VRK2: variants seen among roughly 807,000 people sequenced by gnomAD.
VRK2 encodes the protein VRK serine/threonine kinase 2, also known as serine/threonine-protein kinase VRK2.
In VRK2, 60 loss-of-function variants were observed where a neutral mutation model predicts 57.6. The ratio of observed to expected loss-of-function variants is 1.04; its 90% CI spans 0.85 to 1.29. The LOEUF (loss-of-function observed/expected upper bound fraction) is 1.29. VRK2 is among the 50% of genes most tolerant of loss of function. The probability of loss-of-function intolerance (pLI) is 0.00; values close to 1 mark genes in which losing one functional copy is unlikely to be tolerated. For synonymous variants in VRK2, 231 were observed against 199.2 expected (o/e 1.16, Z -1.35); for missense variants, 705 against 588.1 (o/e 1.20, Z -2.06).
rs1669665302 is a variant in VRK2, at chr2:58,073,656, ATATTT to A, written c.137-10432_137-10428del. Reference sequence around the variant, plus strand: ...TAGGATTATATATATATATATATTTATATTTATATTTATATTTATATTTATATAAA... The same window carrying A: ...TAGGATTATATATATATATATATTTAATATTTATATTTATATTTATATAAA... On this transcript the variant is annotated intron_variant, in intron 2 of 12. Transcript: ENST00000340157. Among the ~76,000 whole-genome samples, 3 of 143,406 alleles carry A rather than the reference ATATTT, an allele frequency of 2.1e-5. No homozygotes were observed. In the East Asian group the frequency reaches 5.9e-4, roughly 28 times the overall value. The allele number at this position is 143,406 out of a possible 152,430, so 94.1% of individuals were successfully genotyped here. A position where few individuals can be genotyped will look rare whatever the true frequency, so the allele number is the denominator to read the frequency against.
At chr2:58,148,196 A>T (rs1682457385) in intron 12 of VRK2, among the ~76,000 whole-genome samples, 1 of 151,866 alleles carries the variant, frequency 6.6e-6, no homozygotes, top group African/African-American at 2.4e-5. Flanking sequence ...AATATTTGGT[A>T]TTGTCACTCT....
At chr2:57,996,244 A>T (rs1672919195) in intron 1 of VRK2, among the ~76,000 whole-genome samples, 1 of 152,230 alleles carries the variant, frequency 6.6e-6, no homozygotes, top group African/African-American at 2.4e-5. Context: ...CCGAGGGATG[A>T]CTATAATGCC....
At chr2:57,981,103 T>A (rs940165821) in intron 1 of VRK2, among the ~76,000 whole-genome samples, 1 of 152,136 alleles carries the variant, frequency 6.6e-6, no homozygotes, top group Non-Finnish European at 1.5e-5. Context: ...TTTATGTAGA[T>A]TTGATTGTAT....
chr2:57,923,741 C>T (rs945947735), intron 1 of VRK2, among the ~76,000 whole-genome samples: 3 of 151,842 alleles, frequency 2.0e-5, no homozygotes, highest in East Asian at 1.9e-4. Flanking sequence ...GTTGTGATCC[C>T]GTTTATCCCC....
chr2:57,932,881 A>T (rs79857928), intron 1 of VRK2, among the ~76,000 whole-genome samples: 6,056 of 151,958 alleles, frequency 0.04, 172 homozygotes, highest in South Asian at 0.11. Context: ...TGGTATTTTG[A>T]GTTTCAACTT....
chr2:57,961,376 T>C (rs891116931), intron 1 of VRK2, among the ~76,000 whole-genome samples: 5 of 151,992 alleles, frequency 3.3e-5, no homozygotes, highest in African/African-American at 1.2e-4. Flanking sequence ...CAAGAGAACT[T>C]TGTGATTGAA....
chr2:58,047,038 G>C (rs1674877068), intron 1 of VRK2, 170 bp downstream of exon 1: 1 of 941,052 alleles, frequency 1.1e-6, no homozygotes, highest in African/African-American at 1.8e-5. Flanking sequence ...CTGCTTCCGC[G>C]TTTGGTTCTT....
chr2:58,062,631 C>T (rs1319454825), intron 2 of VRK2, among the ~76,000 whole-genome samples: 1 of 152,092 alleles, frequency 6.6e-6, no homozygotes, highest in Admixed American at 6.6e-5. Flanking sequence ...AAACCAGCCA[C>T]AACATTCCCT....
intron 1 of VRK2, among the ~76,000 whole-genome samples, chr2:57,979,647 T>C (rs1672361316): frequency 6.6e-6 from 1 of 152,128 alleles, no homozygotes; most frequent in Admixed American, 6.5e-5. Flanking sequence ...CTGCTAAAAT[T>C]CAGTTGTGAA....
chr2:58,136,934 TATATA>T, intron 10 of VRK2, among the ~76,000 whole-genome samples: 1 of 136,644 alleles, frequency 7.3e-6, no homozygotes, highest in East Asian at 2.0e-4. Flanking sequence ...GTATATATCA[TATATA>T]TTATATATCA....
At chr2:57,992,663 A>C (rs1197735078) in intron 1 of VRK2, among the ~76,000 whole-genome samples, 1 of 152,018 alleles carries the variant, frequency 6.6e-6, no homozygotes, top group Admixed American at 6.6e-5. Context: ...CAGCCTCCCG[A>C]GTAGCTGGGA....
At chr2:57,946,903 A>G (rs1206651231) in intron 1 of VRK2, among the ~76,000 whole-genome samples, 1 of 152,128 alleles carries the variant, frequency 6.6e-6, no homozygotes, top group Non-Finnish European at 1.5e-5. Context: ...CTGATCTATG[A>G]GCCAGAGGAA....
At chr2:57,978,153 G>GA (rs1244446958) in intron 1 of VRK2, among the ~76,000 whole-genome samples, 1 of 150,846 alleles carries the variant, frequency 6.6e-6, no homozygotes, top group Non-Finnish European at 1.5e-5. Context: ...CTTAATGGGT[G>GA]AAAAAATAAT....
intron 1 of VRK2, among the ~76,000 whole-genome samples, chr2:57,935,432 GA>G (rs1670873464): frequency 6.6e-6 from 1 of 152,128 alleles, no homozygotes; most frequent in Non-Finnish European, 1.5e-5. Flanking sequence ...CTGAAATCCT[GA>G]AGTTTTTAGG....
At chr2:57,952,998 C>A (rs1425197551) in intron 1 of VRK2, among the ~76,000 whole-genome samples, 2 of 152,116 alleles carry the variant, frequency 1.3e-5, no homozygotes, top group Non-Finnish European at 2.9e-5. Context: ...CTGTTACATT[C>A]CCCAAGGACA....
Position 58,072,774 on chromosome 2 carries a change from G to A in VRK2, c.137-11315G>A, listed in dbSNP as rs544317225. Among the ~76,000 whole-genome samples, 950 of 151,796 alleles carry A rather than the reference G, an allele frequency of 6.3e-3. 6 individuals carry two copies. The highest frequency in any genetic ancestry group is 9.0e-3 in the Non-Finnish European group (609 of 67,828). On this transcript the variant is annotated intron_variant, in intron 2 of 12. Transcript: ENST00000340157. ...TTATTAGGGTGATGCTGGTTTTATA[G>A]AATTAGTTGAATGTTCCTTTGCTTC...
At chr2:58,134,615 C>G in intron 9 of VRK2, among the ~76,000 whole-genome samples, 1 of 95,710 alleles carries the variant, frequency 1.0e-5, no homozygotes, top group East Asian at 2.6e-4. Flanking sequence ...GAGACTCCGT[C>G]TCAAAAAAAA....
At chr2:57,971,815 T>G (rs554640746) in intron 1 of VRK2, among the ~76,000 whole-genome samples, 1 of 151,916 alleles carries the variant, frequency 6.6e-6, no homozygotes, top group Non-Finnish European at 1.5e-5. Flanking sequence ...CAGGAAAGTC[T>G]GCTTTACATA....
intron 1 of VRK2, among the ~76,000 whole-genome samples, chr2:57,940,245 C>G (rs1671049365): frequency 6.6e-6 from 1 of 152,066 alleles, no homozygotes; most frequent in South Asian, 2.1e-4. Context: ...ATCTCAAGGC[C>G]TGAGACCCAG....
Sources: allele counts gnomAD v4.1 joint callset (sites outside exome capture counted in the v4.1 genomes callset), GRCh38; gene constraint gnomAD v4.1.1; transcripts MANE v1.5; gene names NCBI Gene and HGNC (gene_info 2026-07-23, HGNC 2026-07-21).